Variants in VAV3 observed in about 807,000 individuals in gnomAD.
VAV3 encodes the protein guanine nucleotide exchange factor VAV3.
In VAV3, 94 loss-of-function variants were observed where a neutral mutation model predicts 131.2. That is an observed-to-expected ratio of 0.72 (90% CI 0.61 to 0.85). The LOEUF (loss-of-function observed/expected upper bound fraction) is 0.85, where lower values mean the gene tolerates loss of function less well. Among genes scored for constraint, VAV3 ranks in the 40% least tolerant of loss-of-function variants. The pLI is 0.00. For synonymous variants in VAV3, 349 were observed against 342.0 expected (o/e 1.02, Z -0.22); for missense variants, 939 against 1,002.7 (o/e 0.94, Z 0.86).
Position 107,582,501 on chromosome 1 carries a change from C to T in VAV3, c.2351-8303G>A, listed in dbSNP as rs546009625. On this transcript the variant is annotated intron_variant, in intron 25 of 26. Coordinates refer to ENST00000370056, the MANE Select transcript of VAV3 (RefSeq NM_006113.5). Reference sequence around the variant, plus strand: ...TATGTATACATGTGCCACGCTGGTGCGCTGCACCCACTAACTCGTCATCTA... The same window carrying T: ...TATGTATACATGTGCCACGCTGGTGTGCTGCACCCACTAACTCGTCATCTA... 3.0e-4 allele frequency among the ~76,000 whole-genome samples: 46 copies of T among 151,868 alleles called. 1 individual carries two copies. In the East Asian group the frequency reaches 8.0e-3, roughly 26 times the overall value.
chr1:107,644,917 C>T (rs976685150), intron 19 of VAV3, among the ~76,000 whole-genome samples: 1 of 147,764 alleles, frequency 6.8e-6, no homozygotes, highest in Non-Finnish European at 1.5e-5. Flanking sequence ...CTAGTGTATA[C>T]ACTAGTATGT....
chr1:107,713,230 A>C (rs11809788), intron 15 of VAV3, among the ~76,000 whole-genome samples: 1,821 of 152,278 alleles, frequency 0.012, 33 homozygotes, highest in African/African-American at 0.041. Context: ...TATTTATTTT[A>C]AACAAAAAAC....
intron 2 of VAV3, among the ~76,000 whole-genome samples, chr1:107,843,499 T>C (rs1036726737): frequency 1.3e-5 from 2 of 148,956 alleles, no homozygotes; most frequent in African/African-American, 4.9e-5. Flanking sequence ...AGAATTACAC[T>C]GTTGAGATTA....
In VAV3 at chr1:107,672,659, T is replaced by C. The variant is rs1273704541; in HGVS notation, c.1777+10829A>G. 4.6e-5 allele frequency among the ~76,000 whole-genome samples: 7 copies of C among 152,116 alleles called. No individual in the cohort carries two copies. The South Asian group carries it at 8.3e-4, about 18-fold the overall frequency. On this transcript the variant is annotated intron_variant, in intron 19 of 26. Transcript: ENST00000370056. ...GATTGATCTCTCTCACACACACACA[T>C]ATATTCTTACAAGTAATTTAGAAAA... is the stretch of plus-strand genomic sequence containing the variant.
At chr1:107,854,254 T>C (rs547614640) in intron 2 of VAV3, among the ~76,000 whole-genome samples, 11 of 152,222 alleles carry the variant, frequency 7.2e-5, no homozygotes, top group Admixed American at 1.3e-4. Flanking sequence ...AGGTTGCAGT[T>C]AGCCGAGATT....
At chr1:107,707,447 C>A (rs1469456548) in intron 15 of VAV3, among the ~76,000 whole-genome samples, 1 of 152,134 alleles carries the variant, frequency 6.6e-6, no homozygotes, top group Non-Finnish European at 1.5e-5. Flanking sequence ...TAGAACACTG[C>A]CTGACCCATA....
chr1:107,922,706 A>C (rs1672958600), intron 1 of VAV3, among the ~76,000 whole-genome samples: 2 of 152,096 alleles, frequency 1.3e-5, no homozygotes, highest in South Asian at 4.2e-4. Flanking sequence ...TAATCCCAGC[A>C]CTTTGGGAGG....
At chr1:107,913,897 C>A (rs559210543) in intron 1 of VAV3, among the ~76,000 whole-genome samples, 2 of 152,214 alleles carry the variant, frequency 1.3e-5, no homozygotes, top group African/African-American at 4.8e-5. Flanking sequence ...CAGGTTCAAG[C>A]GATTCTTCCG....
At chr1:107,869,981 C>T (rs1670181055) in intron 2 of VAV3, among the ~76,000 whole-genome samples, 2 of 152,154 alleles carry the variant, frequency 1.3e-5, no homozygotes, top group Admixed American at 1.3e-4. Flanking sequence ...TAATTCATTC[C>T]TTTGTATGGC....
chr1:107,828,219 G>A (rs757026465), intron 2 of VAV3, among the ~76,000 whole-genome samples: 10 of 152,064 alleles, frequency 6.6e-5, no homozygotes, highest in South Asian at 2.1e-4. Context: ...CTGTTCTTGC[G>A]TTAAATATCG....
At chr1:107,824,679 T>C (rs991638470) in intron 2 of VAV3, among the ~76,000 whole-genome samples, 1 of 152,286 alleles carries the variant, frequency 6.6e-6, no homozygotes, top group Admixed American at 6.5e-5. Flanking sequence ...TTTAACTGAA[T>C]GTTAAATTCA....
intron 25 of VAV3, among the ~76,000 whole-genome samples, chr1:107,582,827 G>C (rs547795664): frequency 2.3e-4 from 35 of 152,148 alleles, no homozygotes; most frequent in Non-Finnish European, 4.6e-4. Context: ...GGACATTTGG[G>C]TTGGTTCCAA....
intron 2 of VAV3, among the ~76,000 whole-genome samples, chr1:107,814,929 TACCTGA>T (rs1161478477): frequency 2.0e-5 from 3 of 152,190 alleles, no homozygotes; most frequent in African/African-American, 7.2e-5. Flanking sequence ...GGAAGTGGTA[TACCTGA>T]GCCTGATTTA....
At chr1:107,613,849 AT>A (rs892404702) in intron 21 of VAV3, among the ~76,000 whole-genome samples, 1 of 151,986 alleles carries the variant, frequency 6.6e-6, no homozygotes, top group African/African-American at 2.4e-5. Context: ...ATGTGGAATA[AT>A]TTTTTTAATT....
chr1:107,875,633 G>T (rs1183997391), intron 1 of VAV3, among the ~76,000 whole-genome samples: 1 of 152,174 alleles, frequency 6.6e-6, no homozygotes, highest in Non-Finnish European at 1.5e-5. Flanking sequence ...AGATGATGAA[G>T]ATCTTTATGG....
chr1:107,605,521 A>C (rs758405686), intron 22 of VAV3, among the ~76,000 whole-genome samples: 4 of 152,174 alleles, frequency 2.6e-5, no homozygotes, highest in African/African-American at 9.7e-5. Context: ...GAGACAAATA[A>C]ATATATCTTC....
chr1:107,686,129 T>A (rs542811119), intron 18 of VAV3, among the ~76,000 whole-genome samples: 15 of 150,466 alleles, frequency 1.0e-4, no homozygotes, highest in Non-Finnish European at 1.8e-4. Flanking sequence ...TCTTTCCCTC[T>A]AAAAAAAAAG....
chr1:107,812,398 T>C (rs983007057), intron 2 of VAV3, among the ~76,000 whole-genome samples: 2 of 152,164 alleles, frequency 1.3e-5, no homozygotes, highest in African/African-American at 4.8e-5. Context: ...CCGTTTTCAT[T>C]ACCTAAAAAA....
At chr1:107,678,674 AG>A (rs1422639504) in intron 19 of VAV3, among the ~76,000 whole-genome samples, 1 of 152,104 alleles carries the variant, frequency 6.6e-6, no homozygotes, top group Non-Finnish European at 1.5e-5. Context: ...TAAAACACTA[AG>A]AACAATAGTA....
Sources: gnomAD v4.1 joint callset for allele counts (sites outside exome capture counted in the v4.1 genomes callset) on GRCh38, gnomAD v4.1.1 for gene constraint, MANE v1.5 for transcripts, NCBI Gene and HGNC (gene_info 2026-07-23, HGNC 2026-07-21) for gene names.